SMG6: variants seen among roughly 807,000 people sequenced by gnomAD.
The protein encoded by SMG6 is telomerase-binding protein EST1A.
A neutral mutation model predicts 142.2 loss-of-function variants in SMG6; 66 were observed. The ratio of observed to expected loss-of-function variants is 0.46; its 90% CI spans 0.38 to 0.57. The LOEUF is 0.57. SMG6 is among the 20% of genes least tolerant of loss of function. The pLI, the probability that SMG6 is intolerant of heterozygous loss-of-function variation, is 0.00. For synonymous variants in SMG6, 779 were observed against 702.4 expected (o/e 1.11, Z -1.72); for missense variants, 1,793 against 1,832.0 (o/e 0.98, Z 0.39).
chr17:2,145,077 G>A (rs922248020), intron 13 of SMG6, among the ~76,000 whole-genome samples: 2 of 152,036 alleles, frequency 1.3e-5, no homozygotes, highest in African/African-American at 4.8e-5. Flanking sequence ...CTCAGGATGC[G>A]TTATATTATA....
At chr17:2,096,051 T>TA (rs2151461885) in intron 13 of SMG6, among the ~76,000 whole-genome samples, 1 of 152,286 alleles carries the variant, frequency 6.6e-6, no homozygotes, top group Non-Finnish European at 1.5e-5. Context: ...TTAAGCTTGG[T>TA]AAGGTCTTTT....
intron 12 of SMG6, among the ~76,000 whole-genome samples, chr17:2,175,951 C>T (rs117686957): frequency 2.5e-3 from 388 of 152,294 alleles, no homozygotes; most frequent in Middle Eastern, 0.01. Context: ...TCGAACACCA[C>T]AGACATGAAC....
chr17:2,148,546 G>A (rs1238980965), intron 13 of SMG6, among the ~76,000 whole-genome samples: 1 of 152,182 alleles, frequency 6.6e-6, no homozygotes, highest in Non-Finnish European at 1.5e-5. Flanking sequence ...ACTTATATGA[G>A]GTTCACAGAG....
At chr17:2,216,499 G>A (rs1346060473) in intron 10 of SMG6, among the ~76,000 whole-genome samples, 2 of 152,032 alleles carry the variant, frequency 1.3e-5, no homozygotes, top group Non-Finnish European at 2.9e-5. Flanking sequence ...ATAATTCTAA[G>A]GTATTAACAT....
At chr17:2,250,347 T>C (rs1264693877) in intron 8 of SMG6, among the ~76,000 whole-genome samples, 1 of 152,182 alleles carries the variant, frequency 6.6e-6, no homozygotes, top group Non-Finnish European at 1.5e-5. Flanking sequence ...GGAGCATAAA[T>C]TATTATTCTC....
rs146798456 is a variant in SMG6, at chr17:2,248,897, T to G, written c.2662-4178A>C. On this transcript the variant is annotated intron_variant, in intron 8 of 18. Coordinates refer to ENST00000263073, the MANE Select transcript of SMG6 (RefSeq NM_017575.5). ...AGACAGATACTTTGGAGAACTTTTT[T>G]TTTTTTTGAGACAGAGTCTTGCTCT... 2.8e-4 allele frequency among the ~76,000 whole-genome samples: 43 copies of G among 152,102 alleles called. 2 individuals carry two copies. The East Asian group carries it at 8.3e-3, about 29-fold the overall frequency.
chr17:2,174,893 C>T (rs547768095), intron 12 of SMG6, among the ~76,000 whole-genome samples: 16 of 152,270 alleles, frequency 1.1e-4, no homozygotes, highest in African/African-American at 3.6e-4. Context: ...AACAGAACTT[C>T]GAGGGTTAAA....
chr17:2,238,836 C>A (rs1462349335), intron 9 of SMG6, among the ~76,000 whole-genome samples: 2 of 152,158 alleles, frequency 1.3e-5, no homozygotes, highest in Non-Finnish European at 2.9e-5. Context: ...AAAAAAAATT[C>A]TCCCTTTGCC....
chr17:2,137,987 G>GAGC (rs1567628250), intron 13 of SMG6, among the ~76,000 whole-genome samples: 1 of 152,126 alleles, frequency 6.6e-6, no homozygotes, highest in African/African-American at 2.4e-5. Flanking sequence ...GGCGGTTGGA[G>GAGC]AGTAGTATCA....
intron 13 of SMG6, among the ~76,000 whole-genome samples, chr17:2,120,707 A>G (rs1214836962): frequency 1.3e-5 from 2 of 152,190 alleles, no homozygotes; most frequent in Non-Finnish European, 2.9e-5. Flanking sequence ...TGGGTGATAG[A>G]GCAAGACCCT....
chr17:2,303,525 A>T (rs991160844), intron 1 of SMG6, 108 bp downstream of exon 1: 5 of 1,330,188 alleles, frequency 3.8e-6, no homozygotes, highest in Non-Finnish European at 3.8e-6. Context: ...CTGCTGGGGG[A>T]AGGGGCGGGG....
chr17:2,261,578 T>TTCTAAC (rs1348662462), intron 8 of SMG6, among the ~76,000 whole-genome samples: 1 of 152,208 alleles, frequency 6.6e-6, no homozygotes, highest in Non-Finnish European at 1.5e-5. Context: ...CCCACCATTA[T>TTCTAAC]TCTAACTCTG....
intron 13 of SMG6, among the ~76,000 whole-genome samples, chr17:2,162,194 T>TA (rs2071199329): frequency 6.6e-6 from 1 of 152,056 alleles, no homozygotes; most frequent in African/African-American, 2.4e-5. Flanking sequence ...AAACAAAACA[T>TA]AAAGTTTGAT....
intron 8 of SMG6, among the ~76,000 whole-genome samples, chr17:2,258,286 T>C (rs1282380780): frequency 6.6e-6 from 1 of 152,074 alleles, no homozygotes; most frequent in Non-Finnish European, 1.5e-5. Context: ...CTGGGTGCAG[T>C]GACTCACGCC....
chr17:2,159,515 A>T (rs2071109765), intron 13 of SMG6, among the ~76,000 whole-genome samples: 1 of 152,204 alleles, frequency 6.6e-6, no homozygotes, highest in Non-Finnish European at 1.5e-5. Flanking sequence ...AACTATAAAG[A>T]TCAGAAATAC....
intron 13 of SMG6, among the ~76,000 whole-genome samples, chr17:2,115,519 T>C (rs1256676262): frequency 8.5e-5 from 13 of 152,134 alleles, no homozygotes; most frequent in Admixed American, 8.5e-4. Flanking sequence ...GGGAAGAAGA[T>C]ACAGTATAGA....
intron 13 of SMG6, among the ~76,000 whole-genome samples, chr17:2,113,945 T>A (rs541966028): frequency 4.3e-4 from 65 of 152,316 alleles, no homozygotes; most frequent in Non-Finnish European, 1.0e-4. Context: ...AGTATTTCAA[T>A]CTGGAAGGCT....
chr17:2,282,327 A>G (rs1373169934), intron 8 of SMG6, among the ~76,000 whole-genome samples: 1 of 151,708 alleles, frequency 6.6e-6, no homozygotes, highest in East Asian at 1.9e-4. Context: ...AGAGGAAAAG[A>G]TAAGTACAAA....
At chr17:2,076,683 C>A (rs533399944) in intron 15 of SMG6, among the ~76,000 whole-genome samples, 1 of 152,136 alleles carries the variant, frequency 6.6e-6, no homozygotes, top group Non-Finnish European at 1.5e-5. Context: ...TGAAGGGCCC[C>A]GGGCATTAAA....
Sources: allele counts gnomAD v4.1 joint callset (sites outside exome capture counted in the v4.1 genomes callset), GRCh38; gene constraint gnomAD v4.1.1; transcripts MANE v1.5; gene names NCBI Gene and HGNC (gene_info 2026-07-23, HGNC 2026-07-21).